The following SAMD12 variants were observed in gnomAD, a reference collection of about 807,000 sequenced individuals.
The protein encoded by SAMD12 is sterile alpha motif domain containing 12, also known as sterile alpha motif domain-containing protein 12.
In SAMD12, 9 loss-of-function variants were observed where a neutral mutation model predicts 15.0. The ratio of observed to expected loss-of-function variants is 0.60; its 90% confidence interval spans 0.36 to 1.05. The LOEUF (loss-of-function observed/expected upper bound fraction) is 1.05. Ranked by LOEUF, SAMD12 falls within the 50% of genes least tolerant of loss-of-function variation. SAMD12 has a pLI of 0.01. For missense variants in SAMD12, 230 were observed against 234.2 expected (o/e 0.98, Z 0.12); for synonymous variants, 86 against 90.1 (o/e 0.96, Z 0.25).
intron 4 of SAMD12, among the ~76,000 whole-genome samples, chr8:118,308,004 C>T (rs553894037): frequency 1.3e-5 from 2 of 152,338 alleles, no homozygotes; most frequent in East Asian, 3.9e-4. Context: ...CTGTTTTCTT[C>T]CAAGTTCCTG....
chr8:118,586,390 C>T (rs138259506), intron 1 of SAMD12, among the ~76,000 whole-genome samples: 55 of 149,568 alleles, frequency 3.7e-4, no homozygotes, highest in African/African-American at 1.3e-3. Flanking sequence ...TTGCCCAGGC[C>T]GGAGTGCAGT....
At chr8:118,149,201 A>C in the SAMD12 span, among the ~76,000 whole-genome samples, 2 of 152,238 alleles carry the variant, frequency 1.3e-5, no homozygotes, top group Non-Finnish European at 2.9e-5. Context: ...TCCCAGGCTC[A>C]ATCAATCCTC....
At chr8:118,292,841 A>T (rs1814482036) in intron 4 of SAMD12, among the ~76,000 whole-genome samples, 1 of 147,412 alleles carries the variant, frequency 6.8e-6, no homozygotes, top group African/African-American at 2.5e-5. Context: ...CATAGGTGGG[A>T]ACTGAACAAT....
intron 2 of SAMD12, among the ~76,000 whole-genome samples, chr8:118,476,239 T>A (rs763453659): frequency 6.4e-4 from 97 of 152,190 alleles, no homozygotes; most frequent in Non-Finnish European, 1.6e-4. Context: ...ACGTTGCAGG[T>A]GTGTCCTCTG....
At chr8:118,621,673 G>C (rs1371978413) in intron 1 of SAMD12, 131 bp downstream of exon 1, 11 of 1,007,758 alleles carry the variant, frequency 1.1e-5, no homozygotes, top group Admixed American at 1.8e-5. Context: ...CCAAGAGGTG[G>C]AGGAGGAAGG....
chr8:118,374,484 T>G (rs1819275626), downstream of SAMD12, among the ~76,000 whole-genome samples: 1 of 152,162 alleles, frequency 6.6e-6, no homozygotes, highest in African/African-American at 2.4e-5. Context: ...TGAATTCTTT[T>G]GGATATGTAC....
At chr8:118,318,806 C>A (rs758115433) in intron 4 of SAMD12, among the ~76,000 whole-genome samples, 4 of 152,028 alleles carry the variant, frequency 2.6e-5, no homozygotes, top group Non-Finnish European at 2.9e-5. Flanking sequence ...CTTCAAGGGA[C>A]CCTCAAACAA....
At chr8:118,503,509 A>G (rs1346103568) in intron 2 of SAMD12, among the ~76,000 whole-genome samples, 1 of 152,188 alleles carries the variant, frequency 6.6e-6, no homozygotes, top group African/African-American at 2.4e-5. Flanking sequence ...CTGACCCTCT[A>G]GAAAACTTCA....
At chr8:118,599,912 C>T (rs1186110769) in intron 1 of SAMD12, among the ~76,000 whole-genome samples, 1 of 152,240 alleles carries the variant, frequency 6.6e-6, no homozygotes, top group East Asian at 1.9e-4. Context: ...ACAGCCCAGG[C>T]GACTCAATTA....
chr8:118,230,004 TAAAA>T (rs1056963886), intron 4 of SAMD12, among the ~76,000 whole-genome samples: 1 of 151,714 alleles, frequency 6.6e-6, no homozygotes, highest in African/African-American at 2.4e-5. Flanking sequence ...GGAAAAGGAT[TAAAA>T]AAAAGAAAAC....
chr8:118,226,820 G>C (rs182664568), intron 4 of SAMD12, among the ~76,000 whole-genome samples: 1 of 152,272 alleles, frequency 6.6e-6, no homozygotes, highest in Admixed American at 6.5e-5. Context: ...GGGGCCATCT[G>C]GCTAGGATGA....
intron 4 of SAMD12, among the ~76,000 whole-genome samples, chr8:118,269,578 C>G (rs529856571): frequency 5.9e-5 from 9 of 152,234 alleles, no homozygotes; most frequent in Non-Finnish European, 1.2e-4. Flanking sequence ...TGGCTGCTTT[C>G]AGGTTCCAAA....
chr8:118,547,230 C>G (rs1437705975), intron 2 of SAMD12, among the ~76,000 whole-genome samples: 1 of 152,186 alleles, frequency 6.6e-6, no homozygotes, highest in African/African-American at 2.4e-5. Flanking sequence ...AATGTAGCAG[C>G]AAACACCTAT....
rs549358312 is a variant in SAMD12, at chr8:118,232,339, T to C, written c.434-34607A>G. On this transcript the variant is annotated intron_variant, in intron 4 of 4. Transcript: ENST00000409003. ...TTGCAACCTAGAGGGTAAACTGGAG[T>C]TTACCAGAAGGGGAGAGAGGAAATG... Among the ~76,000 whole-genome samples the C allele has an allele frequency of 2.0e-5, 3 of 151,814 alleles. No homozygotes were observed. In the East Asian group the frequency reaches 5.8e-4, roughly 30 times the overall value.
the SAMD12 span, among the ~76,000 whole-genome samples, chr8:118,181,199 T>C: frequency 6.6e-6 from 1 of 152,168 alleles, no homozygotes; most frequent in Non-Finnish European, 1.5e-5. Context: ...ACTATTGAAA[T>C]TTTAAGTTTT....
At chr8:118,383,276 G>A (rs1361575916) in intron 3 of SAMD12, among the ~76,000 whole-genome samples, 1 of 152,168 alleles carries the variant, frequency 6.6e-6, no homozygotes, top group Non-Finnish European at 1.5e-5. Flanking sequence ...AGGCTGACAA[G>A]GAAGGTAGCT....
intron 1 of SAMD12, among the ~76,000 whole-genome samples, chr8:118,617,332 G>A (rs568650637): frequency 1.6e-4 from 25 of 152,288 alleles, no homozygotes; most frequent in African/African-American, 5.3e-4. Context: ...CCCAGTCACC[G>A]TTATTATTAC....
intron 2 of SAMD12, among the ~76,000 whole-genome samples, chr8:118,454,610 G>A (rs1426350221): frequency 1.3e-5 from 2 of 152,054 alleles, no homozygotes; most frequent in African/African-American, 4.8e-5. Context: ...ATTTAAAAAA[G>A]TTTTTATTTT....
chr8:118,137,140 C>A, the SAMD12 span, among the ~76,000 whole-genome samples: 1 of 152,178 alleles, frequency 6.6e-6, no homozygotes, highest in African/African-American at 2.4e-5. Context: ...GGTCCAAACA[C>A]CCCCTAGTGG....
Sources: gnomAD v4.1 joint callset for allele counts (sites outside exome capture counted in the v4.1 genomes callset) on GRCh38, gnomAD v4.1.1 for gene constraint, MANE v1.5 for transcripts, NCBI Gene and HGNC (gene_info 2026-07-23, HGNC 2026-07-21) for gene names.